ARHGAP42: variants seen among roughly 807,000 people sequenced by gnomAD.
The protein encoded by ARHGAP42 is Rho GTPase activating protein 42.
ARHGAP42 carries 63 observed loss-of-function variants against 125.0 expected under a neutral mutation model. The ratio of observed to expected loss-of-function variants is 0.50; its 90% CI spans 0.41 to 0.62. The LOEUF (loss-of-function observed/expected upper bound fraction) is 0.62. Ranked by LOEUF, ARHGAP42 falls within the 20% of genes least tolerant of loss-of-function variation. ARHGAP42 has a pLI of 0.00. For synonymous variants in ARHGAP42, 339 were observed against 351.0 expected (o/e 0.97, Z 0.38); for missense variants, 766 against 1,024.2 (o/e 0.75, Z 3.44).
chr11:100,904,321 G>A (rs1866661554), intron 4 of ARHGAP42, among the ~76,000 whole-genome samples: 1 of 149,472 alleles, frequency 6.7e-6, no homozygotes. Flanking sequence ...TCTGCTCACT[G>A]CAACCTCCTC....
chr11:100,922,897 T>A (rs537850194), intron 6 of ARHGAP42, among the ~76,000 whole-genome samples: 1 of 152,328 alleles, frequency 6.6e-6, no homozygotes, highest in Non-Finnish European at 1.5e-5. Context: ...ATTAAGGAAC[T>A]GAAGACCACC....
Position 100,828,256 on chromosome 11 carries a change from G to GT in ARHGAP42, c.313-31295dup, listed in dbSNP as rs1410580311. On this transcript the variant is annotated intron_variant, in intron 3 of 23. Transcript: ENST00000298815. ...ACACCCTTTAGAAGGATTTTCCCCA[G>GT]TTTAAAAAAAAAAATCCTTAGTGTT... is the stretch of plus-strand genomic sequence containing the variant. Among the ~76,000 whole-genome samples the GT allele has an allele frequency of 2.3e-4, 33 of 141,348 alleles. No homozygotes were observed. In the South Asian group the frequency reaches 7.7e-3, roughly 33 times the overall value. The allele number at this position is 141,348 out of a possible 152,430, so 92.7% of individuals were successfully genotyped here. A position where few individuals can be genotyped will look rare whatever the true frequency, so the allele number is the denominator to read the frequency against.
chr11:100,812,226 C>G (rs553732826), intron 3 of ARHGAP42, among the ~76,000 whole-genome samples: 37 of 152,298 alleles, frequency 2.4e-4, no homozygotes, highest in Admixed American at 5.2e-4. Flanking sequence ...ATTTGGAAAA[C>G]TTTATAGCAA....
At chr11:100,860,574 T>A (rs1865421536) in intron 4 of ARHGAP42, among the ~76,000 whole-genome samples, 1 of 152,078 alleles carries the variant, frequency 6.6e-6, no homozygotes, top group Non-Finnish European at 1.5e-5. Flanking sequence ...TACCTGACAC[T>A]AATCATGTCT....
At position 100,687,524 on chromosome 11, in the gene ARHGAP42, G is replaced by A. The variant is rs1329221113; in HGVS notation, c.-155G>A. 1 of 441,094 alleles carries A rather than the reference G, an allele frequency of 2.3e-6. No individual in the cohort carries two copies. Among genetic ancestry groups the A allele is most frequent in the Middle Eastern group, 8.3e-4 (1 of 1,206 alleles). The allele number at this position is 441,094 out of a possible 1,614,324, so 27.3% of individuals were successfully genotyped here. ...CTGAGCCCGGCGCAGGCGGCGCGGCGCTCGGGGCCCGTTTCCTCCGCGCAA... is the reference window on the plus strand; with the variant it reads ...CTGAGCCCGGCGCAGGCGGCGCGGCACTCGGGGCCCGTTTCCTCCGCGCAA... On this transcript the variant is annotated 5_prime_UTR_variant, in exon 1 of 24. Coordinates refer to ENST00000298815, the MANE Select transcript of ARHGAP42 (RefSeq NM_152432.4).
intron 3 of ARHGAP42, among the ~76,000 whole-genome samples, chr11:100,851,274 A>G (rs1865198505): frequency 6.6e-6 from 1 of 152,164 alleles, no homozygotes; most frequent in Admixed American, 6.6e-5. Flanking sequence ...TTAGCTATAA[A>G]CATTATTTGC....
At chr11:100,808,415 T>G (rs1864052359) in intron 3 of ARHGAP42, among the ~76,000 whole-genome samples, 1 of 149,202 alleles carries the variant, frequency 6.7e-6, no homozygotes, top group Admixed American at 6.7e-5. Context: ...TTTTTTTTTT[T>G]TGAGACGGAG....
intron 2 of ARHGAP42, among the ~76,000 whole-genome samples, chr11:100,791,200 C>T (rs1372246692): frequency 6.6e-6 from 1 of 152,146 alleles, no homozygotes; most frequent in Non-Finnish European, 1.5e-5. Context: ...GTCTAGGGAG[C>T]TGCTGGGGCA....
At chr11:100,860,232 T>C (rs1013716602) in intron 4 of ARHGAP42, among the ~76,000 whole-genome samples, 24 of 152,120 alleles carry the variant, frequency 1.6e-4, no homozygotes, top group Non-Finnish European at 3.4e-4. Context: ...CTTCCCTCAT[T>C]CTTACCCTGT....
chr11:100,912,487 C>T (rs1222010377), intron 4 of ARHGAP42, among the ~76,000 whole-genome samples: 1 of 152,048 alleles, frequency 6.6e-6, no homozygotes, highest in African/African-American at 2.4e-5. Context: ...TCAGGTGATC[C>T]AGAGGTTGCA....
chr11:100,777,734 A>T (rs1863164825), intron 2 of ARHGAP42, among the ~76,000 whole-genome samples: 1 of 151,950 alleles, frequency 6.6e-6, no homozygotes, highest in South Asian at 2.1e-4. Flanking sequence ...AATTTTTCTT[A>T]AAAAAAAGAC....
intron 1 of ARHGAP42, among the ~76,000 whole-genome samples, chr11:100,736,462 A>G (rs1299360045): frequency 1.3e-5 from 2 of 152,176 alleles, no homozygotes; most frequent in Non-Finnish European, 2.9e-5. Flanking sequence ...TGCCTGGTGG[A>G]CAAATCATGG....
intron 3 of ARHGAP42, among the ~76,000 whole-genome samples, chr11:100,805,693 G>A (rs980442727): frequency 2.0e-5 from 3 of 152,178 alleles, no homozygotes; most frequent in Admixed American, 6.5e-5. Flanking sequence ...CTGGGAAAGG[G>A]GTGGACAGTT....
intron 10 of ARHGAP42, among the ~76,000 whole-genome samples, chr11:100,946,653 A>G (rs1007183910): frequency 6.6e-6 from 1 of 152,036 alleles, no homozygotes; most frequent in Non-Finnish European, 1.5e-5. Context: ...AGTGGCACAC[A>G]CAACTTTTAT....
Position 100,991,064 on chromosome 11 carries a change from A to G in ARHGAP42, c.*2263A>G, listed in dbSNP as rs769254902. 3.3e-5 allele frequency: 5 copies of G among 152,212 alleles called. No homozygotes were observed. Among genetic ancestry groups the G allele is most frequent in the East Asian group, 1.9e-4 (1 of 5,196 alleles). The allele number at this position is 152,212 out of a possible 1,614,324, so 9.4% of individuals were successfully genotyped here. On this transcript the variant is annotated 3_prime_UTR_variant, in exon 24 of 24. Transcript: ENST00000298815. ...ATGGCAAGGCATATGTTGCAGCCAC[A>G]GTACTGGCTATGGTCCCTTTGCTGA...
chr11:100,818,679 G>A (rs895916524), intron 3 of ARHGAP42, among the ~76,000 whole-genome samples: 1 of 151,934 alleles, frequency 6.6e-6, no homozygotes, highest in Admixed American at 6.6e-5. Flanking sequence ...ATCAGAGCTT[G>A]TTTGTAAACA....
In ARHGAP42 at chr11:100,687,360, T is replaced by G. The variant is rs986814986; in HGVS notation, c.-319T>G. The stretch of plus-strand genomic sequence containing the variant: ...GTGTCTGCGCGCCGTGAGAGAAACT[T>G]TCCTGCTCCGGCCGCGGCCCGGAGC... On this transcript the variant is annotated 5_prime_UTR_variant, in exon 1 of 24. Coordinates refer to ENST00000298815, the MANE Select transcript of ARHGAP42 (RefSeq NM_152432.4). Among the ~76,000 whole-genome samples the G allele has an allele frequency of 8.6e-5, 13 of 151,876 alleles. No homozygotes were observed. The highest frequency in any genetic ancestry group is 1.3e-4 in the Non-Finnish European group (9 of 67,932).
chr11:100,906,651 T>C (rs1326605081), intron 4 of ARHGAP42, among the ~76,000 whole-genome samples: 2 of 152,174 alleles, frequency 1.3e-5, no homozygotes, highest in African/African-American at 4.8e-5. Context: ...TTATTATCTC[T>C]CATTCAGCAG....
chr11:100,806,870 A>G (rs1357100410), intron 3 of ARHGAP42, among the ~76,000 whole-genome samples: 1 of 136,580 alleles, frequency 7.3e-6, no homozygotes, highest in African/African-American at 2.8e-5. Context: ...TATTTTTGGG[A>G]CAAGTCTCAC....
Sources: allele counts gnomAD v4.1 joint callset (sites outside exome capture counted in the v4.1 genomes callset), GRCh38; gene constraint gnomAD v4.1.1; transcripts MANE v1.5; gene names NCBI Gene and HGNC (gene_info 2026-07-23, HGNC 2026-07-21).